NPAS2: variants seen among roughly 807,000 people sequenced by gnomAD.
The protein encoded by NPAS2 is neuronal PAS domain protein 2.
In NPAS2, 23 loss-of-function variants were observed where a neutral mutation model predicts 107.5. The ratio of observed to expected loss-of-function variants is 0.21; its 90% CI spans 0.15 to 0.30. The LOEUF (loss-of-function observed/expected upper bound fraction) is 0.30. Among genes scored for constraint, NPAS2 ranks in the 10% least tolerant of loss-of-function variants. The pLI is 1.00. For synonymous variants in NPAS2, 403 were observed against 417.5 expected, an observed-to-expected ratio of 0.97 and a Z score of 0.42; for missense variants, 756 against 1,043.3, an observed-to-expected ratio of 0.72 and a Z score of 3.79.
chr2:100,996,174 C>A lies in NPAS2; in HGVS notation c.*592C>A. ...CATTTAGAGACCACAGTAACAACAGCAGCCCACCAATCAGAGAAGCTGGTT... is the reference window on the plus strand; with the variant it reads ...CATTTAGAGACCACAGTAACAACAGAAGCCCACCAATCAGAGAAGCTGGTT... On this transcript the variant is annotated 3_prime_UTR_variant, in exon 21 of 21. Transcript: ENST00000335681. 4.2e-6 allele frequency: 1 copy of A among 235,504 alleles called. No individual in the cohort carries two copies. Among genetic ancestry groups the A allele is most frequent in the South Asian group, 6.3e-5 (1 of 15,958 alleles). The allele number at this position is 235,504 out of a possible 1,614,324, so 14.6% of individuals were successfully genotyped here. A position where few individuals can be genotyped will look rare whatever the true frequency, so the allele number is the denominator to read the frequency against.
intron 1 of NPAS2, among the ~76,000 whole-genome samples, chr2:100,873,305 T>TACACACACAC (rs1369269644): frequency 7.6e-4 from 29 of 38,262 alleles, no homozygotes; most frequent in East Asian, 6.1e-3. Context: ...TATATATATA[T>TACACACACAC]ATACACACAC....
intron 4 of NPAS2, among the ~76,000 whole-genome samples, chr2:100,935,492 C>G (rs886464454): frequency 6.6e-6 from 1 of 152,216 alleles, no homozygotes; most frequent in Non-Finnish European, 1.5e-5. Flanking sequence ...ACTGATGGGA[C>G]TTCCAGAACC....
chr2:100,988,564 G>A, intron 17 of NPAS2: 1 of 424,132 alleles, frequency 2.4e-6, no homozygotes, highest in Non-Finnish European at 4.3e-6. Flanking sequence ...CTTTGATGCT[G>A]ACTTAGGGTT....
intron 1 of NPAS2, among the ~76,000 whole-genome samples, chr2:100,902,070 T>TA (rs1313533122): frequency 6.7e-4 from 100 of 149,900 alleles, no homozygotes; most frequent in African/African-American, 1.6e-3. Flanking sequence ...GTGATCAAAA[T>TA]AAAAAAAAAA....
rs190138609 is a variant in NPAS2, at chr2:100,849,794, G to A, written c.-23+29380G>A. On this transcript the variant is annotated intron_variant, in intron 1 of 20. Coordinates refer to ENST00000335681, the MANE Select transcript of NPAS2 (RefSeq NM_002518.4). ...TGGGGAGGAGAGGAATGGACACAGC[G>A]TGGTTCTGGTCCCACAGAGGTCCTA... Among the ~76,000 whole-genome samples, 28 of 152,170 alleles carry A rather than the reference G, an allele frequency of 1.8e-4. No individual in the cohort carries two copies. The East Asian group carries it at 3.5e-3, about 19-fold the overall frequency.
At chr2:100,830,864 G>C (rs573290453) in intron 1 of NPAS2, among the ~76,000 whole-genome samples, 1 of 152,338 alleles carries the variant, frequency 6.6e-6, no homozygotes, top group South Asian at 2.1e-4. Context: ...GGGACAAACA[G>C]TGCTGATCAC....
At chr2:100,945,132 C>T (rs1355588105) in intron 5 of NPAS2, among the ~76,000 whole-genome samples, 3 of 152,138 alleles carry the variant, frequency 2.0e-5, no homozygotes, top group Admixed American at 6.6e-5. Flanking sequence ...GTAGCATAGA[C>T]GAGAGAGGAT....
intron 2 of NPAS2, among the ~76,000 whole-genome samples, chr2:100,907,901 C>G (rs1682274106): frequency 6.6e-6 from 1 of 152,126 alleles, no homozygotes. Context: ...TCCTTGTACT[C>G]AAGAAGGAAA....
At position 100,954,664 on chromosome 2, in the gene NPAS2, CAA is replaced by C. The variant is rs1194534141; in HGVS notation, c.598+5199_598+5200del. Among the ~76,000 whole-genome samples, 424 of 81,382 alleles carry C rather than the reference CAA, an allele frequency of 5.2e-3. 3 individuals carry two copies. Among genetic ancestry groups the C allele is most frequent in the African/African-American group, 0.012 (238 of 19,344 alleles). The allele number at this position is 81,382 out of a possible 152,430, so 53.4% of individuals were successfully genotyped here. On this transcript the variant is annotated intron_variant, in intron 7 of 20. Coordinates refer to ENST00000335681, the MANE Select transcript of NPAS2 (RefSeq NM_002518.4). ...TGGGTGACATAGTAAAACTGTGTCT[CAA>C]AAAAAAAAAAAAAAGAAAAAAAAGA...
intron 5 of NPAS2, 136 bp from the exon 6 acceptor site, chr2:100,948,099 G>A: frequency 2.2e-6 from 2 of 926,710 alleles, no homozygotes; most frequent in Admixed American, 2.4e-5. Flanking sequence ...AACTGAGAGT[G>A]TCCACAGAAA....
chr2:100,908,120 G>C (rs1470050036), intron 2 of NPAS2, among the ~76,000 whole-genome samples: 1 of 152,106 alleles, frequency 6.6e-6, no homozygotes, highest in East Asian at 1.9e-4. Context: ...GACAGGCCTG[G>C]CTTTGATTCT....
chr2:100,869,392 C>T (rs1281113005), intron 1 of NPAS2, among the ~76,000 whole-genome samples: 1 of 152,196 alleles, frequency 6.6e-6, no homozygotes, highest in African/African-American at 2.4e-5. Flanking sequence ...ATCCTTGGAA[C>T]TTGATCTGTG....
rs903434569 is a variant in NPAS2 at position 100,935,090 on chromosome 2, C to T, written c.273+2089C>T. 5.1e-6 allele frequency: 5 copies of T among 982,476 alleles called. No homozygotes were observed. In the South Asian group the frequency reaches 2.4e-4, roughly 46 times the overall value. The allele number at this position is 982,476 out of a possible 1,614,324, so 60.9% of individuals were successfully genotyped here. Reference sequence around the variant, plus strand: ...GTTTGAAAAAACAAAATTGACCTGGCTGAAAAAACAAAATTGACCTGGCTG... The same window carrying T: ...GTTTGAAAAAACAAAATTGACCTGGTTGAAAAAACAAAATTGACCTGGCTG... On this transcript the variant is annotated intron_variant, in intron 4 of 20. Coordinates refer to ENST00000335681, the MANE Select transcript of NPAS2 (RefSeq NM_002518.4).
In NPAS2 at chr2:100,904,716, T is replaced by A; in HGVS notation, c.-22-17T>A. The A allele has an allele frequency of 6.7e-7, 1 of 1,493,466 alleles. No homozygotes were observed. The highest frequency in any genetic ancestry group is 9.1e-7 in the Non-Finnish European group (1 of 1,093,060). The allele number at this position is 1,493,466 out of a possible 1,614,324, so 92.5% of individuals were successfully genotyped here. A position where few individuals can be genotyped will look rare whatever the true frequency, so the allele number is the denominator to read the frequency against. ...GTAATTATCCATTCTTTTTAATTTTTTTTTTTTTTTTTGCAGGAAAAACTG... is the reference window on the plus strand; with the variant it reads ...GTAATTATCCATTCTTTTTAATTTTATTTTTTTTTTTTGCAGGAAAAACTG... On this transcript the variant is annotated splice_polypyrimidine_tract_variant and intron_variant, in intron 1 of 20. Coordinates refer to ENST00000335681, the MANE Select transcript of NPAS2 (RefSeq NM_002518.4).
chr2:100,863,323 G>C, intron 1 of NPAS2, among the ~76,000 whole-genome samples: 1 of 152,196 alleles, frequency 6.6e-6, no homozygotes, highest in Non-Finnish European at 1.5e-5. Flanking sequence ...TTTGATGGTG[G>C]GTTGCTTGGT....
intron 2 of NPAS2, among the ~76,000 whole-genome samples, chr2:100,912,255 TATTA>T (rs550201234): frequency 0.24 from 18,601 of 76,516 alleles, 1,445 homozygotes; most frequent in South Asian, 0.35. Flanking sequence ...TTTATTTATT[TATTA>T]TTATTATTTT....
intron 1 of NPAS2, among the ~76,000 whole-genome samples, chr2:100,865,385 G>A (rs117564746): frequency 1.3e-5 from 2 of 152,224 alleles, no homozygotes; most frequent in East Asian, 3.9e-4. Flanking sequence ...CTGGACTCCT[G>A]TCTGCTTGTG....
At position 100,878,229 on chromosome 2, in the gene NPAS2, A is replaced by C. The variant is rs187032286; in HGVS notation, c.-22-26504A>C. Reference sequence around the variant, plus strand: ...CTCCAGATGCTAGGGAAAGCTGGGCAGAAGGCAAAAAAATATAGAGGACTG... The same window carrying C: ...CTCCAGATGCTAGGGAAAGCTGGGCCGAAGGCAAAAAAATATAGAGGACTG... On this transcript the variant is annotated intron_variant, in intron 1 of 20. Coordinates refer to ENST00000335681, the MANE Select transcript of NPAS2 (RefSeq NM_002518.4). 370 of 985,426 alleles carry C rather than the reference A, an allele frequency of 3.8e-4. No homozygotes were observed. In the African/African-American group the frequency reaches 6.2e-3, roughly 17 times the overall value. The allele number at this position is 985,426 out of a possible 1,614,324, so 61.0% of individuals were successfully genotyped here.
Position 100,820,841 on chromosome 2 carries a change from C to T in NPAS2, c.-23+427C>T, listed in dbSNP as rs958661064. Among the ~76,000 whole-genome samples, 1 of 152,144 alleles carries T rather than the reference C, an allele frequency of 6.6e-6. No homozygotes were observed. Among genetic ancestry groups the T allele is most frequent in the African/African-American group, 2.4e-5 (1 of 41,448 alleles). On this transcript the variant is annotated intron_variant, in intron 1 of 20. Transcript: ENST00000335681. This position sits in a 1 kb window ranked among gnomAD's most constrained non-coding sequence, Gnocchi z 5.6. ...CTCCGAAACGTCGGGCGTCCTGGAC[C>T]CCCGGAGAGTGCGGCGTGCGCGCCC...
Sources: gnomAD v4.1 joint callset for allele counts (sites outside exome capture counted in the v4.1 genomes callset) on GRCh38, gnomAD v4.1.1 for gene constraint, Gnocchi (gnomAD v3.1) non-coding constraint, MANE v1.5 for transcripts, NCBI Gene and HGNC (gene_info 2026-07-23, HGNC 2026-07-21) for gene names.